Variants in CA10 observed in about 807,000 individuals in gnomAD.
The protein encoded by CA10 is carbonic anhydrase 10 (inactive).
A neutral mutation model predicts 44.2 loss-of-function variants in CA10; 14 were observed. That is an observed-to-expected ratio of 0.32 (90% CI 0.21 to 0.50). CA10 has a LOEUF of 0.50. CA10 is among the 20% of genes least tolerant of loss of function. The pLI, the probability that CA10 is intolerant of heterozygous loss-of-function variation, is 0.99. For missense variants in CA10, 350 were observed against 409.7 expected, an observed-to-expected ratio of 0.85 and a Z score of 1.26; for synonymous variants, 159 against 141.6, an observed-to-expected ratio of 1.12 and a Z score of -0.87.
At position 51,831,667 on chromosome 17, in the gene CA10, A is replaced by AAGCAGCAGCAGCAGCAGC. The variant is rs66635963; in HGVS notation, c.280-83867_280-83850dup. Among the ~76,000 whole-genome samples the AAGCAGCAGCAGCAGCAGC allele has an allele frequency of 1.4e-3, 184 of 127,488 alleles. 14 individuals are homozygous for AAGCAGCAGCAGCAGCAGC. The highest frequency in any genetic ancestry group is 0.013 in the South Asian group (42 of 3,312). 83.6% of individuals were successfully genotyped at this position (127,488 alleles called of 152,430 possible). On this transcript the variant is annotated intron_variant, in intron 3 of 8. Transcript: ENST00000451037. Reference sequence around the variant, plus strand: ...TGGATTGTTCCAAGGAGAAAAGAAAAAGCAGCAGCAGCAGCAGCAGCAGCA... The same window carrying AAGCAGCAGCAGCAGCAGC: ...TGGATTGTTCCAAGGAGAAAAGAAAAAGCAGCAGCAGCAGCAGCAGCAGCAGCAGCAGCAGCAGCAGCA...
chr17:52,088,245 G>GTTTAAAAAAAAAT (rs1339366449), intron 1 of CA10, among the ~76,000 whole-genome samples: 2 of 152,074 alleles, frequency 1.3e-5, no homozygotes. Flanking sequence ...TAAAAAAAAA[G>GTTTAAAAAAAAAT]TCATAAAAGG....
intron 1 of CA10, among the ~76,000 whole-genome samples, chr17:52,077,301 A>T (rs565645599): frequency 1.3e-5 from 2 of 152,304 alleles, no homozygotes; most frequent in Non-Finnish European, 1.5e-5. Flanking sequence ...GCTTTTGGTG[A>T]TCCCTTCTTG....
chr17:51,997,399 G>A (rs1204190084), intron 2 of CA10, among the ~76,000 whole-genome samples: 3 of 151,974 alleles, frequency 2.0e-5, no homozygotes, highest in African/African-American at 4.8e-5. Flanking sequence ...TTTGCATCAT[G>A]CCAGGTGACA....
chr17:51,849,065 T>C (rs1360591322), intron 3 of CA10, among the ~76,000 whole-genome samples: 1 of 150,028 alleles, frequency 6.7e-6, no homozygotes, highest in African/African-American at 2.4e-5. Flanking sequence ...CTGTCTCTCT[T>C]TATATGTATT....
chr17:52,039,011 C>T (rs1326171618), intron 2 of CA10, among the ~76,000 whole-genome samples: 3 of 152,126 alleles, frequency 2.0e-5, no homozygotes, highest in South Asian at 2.1e-4. Context: ...AGTGAGAGAA[C>T]GGAATTAAAT....
chr17:51,911,764 T>G (rs1177747045), intron 3 of CA10, among the ~76,000 whole-genome samples: 1 of 152,176 alleles, frequency 6.6e-6, no homozygotes, highest in Non-Finnish European at 1.5e-5. Flanking sequence ...CTGGGGAACA[T>G]CATAGAAGTG....
At chr17:51,748,553 CA>C in intron 3 of CA10, 37 of 909,866 alleles carry the variant, frequency 4.1e-5, no homozygotes, top group South Asian at 1.0e-4. Flanking sequence ...GTGACCTCAA[CA>C]ACAATTGATT....
At chr17:51,842,378 G>A (rs1428488766) in intron 3 of CA10, among the ~76,000 whole-genome samples, 2 of 152,168 alleles carry the variant, frequency 1.3e-5, no homozygotes, top group African/African-American at 4.8e-5. Flanking sequence ...GAGAAAATCT[G>A]AAGATCTAAA....
intron 4 of CA10, among the ~76,000 whole-genome samples, chr17:51,672,204 A>C (rs1187519968): frequency 6.6e-6 from 1 of 152,194 alleles, no homozygotes; most frequent in Non-Finnish European, 1.5e-5. Context: ...CCAAATACAC[A>C]CAGATCGTCA....
At chr17:51,808,959 AAATG>A (rs1907247711) in intron 3 of CA10, among the ~76,000 whole-genome samples, 1 of 152,162 alleles carries the variant, frequency 6.6e-6, no homozygotes, top group South Asian at 2.1e-4. Context: ...CTTCCTTTCT[AAATG>A]TATTCTGTTT....
intron 3 of CA10, chr17:51,761,452 T>A (rs1905215109): frequency 6.6e-6 from 1 of 152,146 alleles, no homozygotes; most frequent in African/African-American, 2.4e-5. Flanking sequence ...TCCTAAGAAT[T>A]TGGTTGAATC....
intron 2 of CA10, among the ~76,000 whole-genome samples, chr17:51,989,874 A>G (rs997582145): frequency 1.3e-5 from 2 of 152,086 alleles, no homozygotes; most frequent in Non-Finnish European, 2.9e-5. Context: ...CATTCCTCCA[A>G]AAAGCAATTA....
At chr17:51,898,345 A>G (rs1981162490) in intron 3 of CA10, among the ~76,000 whole-genome samples, 2 of 152,034 alleles carry the variant, frequency 1.3e-5, no homozygotes. Context: ...TTATGTGATA[A>G]ATAACATTTA....
chr17:51,811,082 G>A (rs1598056658), intron 3 of CA10, among the ~76,000 whole-genome samples: 3 of 151,938 alleles, frequency 2.0e-5, no homozygotes, highest in Admixed American at 2.0e-4. Context: ...TGTAATCCCA[G>A]CTAGTCGGGA....
At chr17:51,867,613 C>T (rs141552922) in intron 3 of CA10, among the ~76,000 whole-genome samples, 32 of 152,224 alleles carry the variant, frequency 2.1e-4, no homozygotes, top group African/African-American at 7.2e-4. Context: ...AACAGACAAA[C>T]CAACCAACCC....
chr17:51,698,892 T>C (rs1314404755), intron 4 of CA10, among the ~76,000 whole-genome samples: 1 of 152,226 alleles, frequency 6.6e-6, no homozygotes, highest in Non-Finnish European at 1.5e-5. Context: ...ATTTCCTTTG[T>C]TTTTAAGGCT....
intron 3 of CA10, among the ~76,000 whole-genome samples, chr17:51,827,582 C>A (rs1057065218): frequency 6.6e-6 from 1 of 152,170 alleles, no homozygotes; most frequent in Non-Finnish European, 1.5e-5. Flanking sequence ...CTTTTACTAG[C>A]TAACAGCATA....
rs568380694 is a variant in CA10, at chr17:52,119,659, A to G, written c.61+38067T>C. ...AGAGTTCCATCAAAGCCAATCTGAAAGGCCTATGTAAAAATAATTATTTGT... is the reference window on the plus strand; with the variant it reads ...AGAGTTCCATCAAAGCCAATCTGAAGGGCCTATGTAAAAATAATTATTTGT... On this transcript the variant is annotated intron_variant, in intron 1 of 8. Transcript: ENST00000451037. 2.1e-3 allele frequency among the ~76,000 whole-genome samples: 326 copies of G among 152,346 alleles called. 1 individual carries two copies. Among genetic ancestry groups the G allele is most frequent in the African/African-American group, 7.4e-3 (307 of 41,592 alleles).
intron 4 of CA10, among the ~76,000 whole-genome samples, chr17:51,683,943 G>A (rs895085976): frequency 1.3e-5 from 2 of 152,194 alleles, no homozygotes; most frequent in Non-Finnish European, 2.9e-5. Flanking sequence ...GTCCCACCCT[G>A]CGGCAGGCTG....
Sources: allele counts gnomAD v4.1 joint callset (sites outside exome capture counted in the v4.1 genomes callset), GRCh38; gene constraint gnomAD v4.1.1; transcripts MANE v1.5; gene names NCBI Gene and HGNC (gene_info 2026-07-23, HGNC 2026-07-21).